Variants in TMEM41B observed in about 807,000 individuals in gnomAD.
TMEM41B encodes transmembrane protein 41B, also known as protein stasimon.
Under a neutral mutation model 31.9 loss-of-function variants are expected in TMEM41B, and 18 were observed. The ratio of observed to expected loss-of-function variants is 0.56; its 90% CI spans 0.39 to 0.84. The LOEUF (loss-of-function observed/expected upper bound fraction) is 0.84, where lower values mean the gene tolerates loss of function less well. Among genes scored for constraint, TMEM41B ranks in the 40% least tolerant of loss-of-function variants. The pLI is 0.00. For missense variants in TMEM41B, 322 were observed against 348.0 expected, an observed-to-expected ratio of 0.93 and a Z score of 0.59; for synonymous variants, 144 against 124.3, an observed-to-expected ratio of 1.16 and a Z score of -1.05.
chr11:9,296,348 GC>G (rs1853085232), intron 2 of TMEM41B, among the ~76,000 whole-genome samples: 1 of 151,796 alleles, frequency 6.6e-6, no homozygotes, highest in Admixed American at 6.6e-5. Flanking sequence ...CACTGGCCAG[GC>G]ACATGGTGGC....
At chr11:9,296,635 A>T (rs938540670) in intron 2 of TMEM41B, among the ~76,000 whole-genome samples, 2 of 151,720 alleles carry the variant, frequency 1.3e-5, no homozygotes, top group East Asian at 3.8e-4. Context: ...AAAGAAAGAA[A>T]AAAAGAACCA....
Position 9,283,524 on chromosome 11 carries a change from T to G in TMEM41B, c.776A>C (p.Glu259Ala). 1 of 1,613,290 alleles carries G rather than the reference T, an allele frequency of 6.2e-7. No homozygotes were observed. Among genetic ancestry groups the G allele is most frequent in the Non-Finnish European group, 8.5e-7 (1 of 1,179,556 alleles). Residue 259 changes from glutamate (E) to alanine (A), a missense_variant, in exon 7 of 7, where the codon GAA (glutamate) becomes GCA (alanine). By Grantham distance (107) the Glu-to-Ala change is moderately radical (BLOSUM62 -1). Coordinates refer to ENST00000528080, the MANE Select transcript of TMEM41B (RefSeq NM_015012.4). ...TTLYQLTTAGEAVSWNSIFIL... is the reference protein window; with the variant it reads ...TTLYQLTTAGAAVSWNSIFIL... ...AAATATTGAGTTCCAGGAAACAGCT[T>G]CTCCTGCTGTTGTAAGTTGATACAG...
intron 1 of TMEM41B, among the ~76,000 whole-genome samples, chr11:9,304,192 GA>G (rs1321608718): frequency 6.6e-6 from 1 of 152,124 alleles, no homozygotes; most frequent in Admixed American, 6.6e-5. Context: ...GGAACACAGA[GA>G]ATTAAAAACA....
chr11:9,313,409 C>G (rs75520774), intron 1 of TMEM41B, among the ~76,000 whole-genome samples: 1,775 of 152,314 alleles, frequency 0.012, 39 homozygotes, highest in African/African-American at 0.04. Context: ...GAGCTACAGA[C>G]AAACTTGTTA....
rs1164457849 is a variant in TMEM41B, at chr11:9,281,929, A to T, written c.*1495T>A. The T allele has an allele frequency of 6.6e-6, 1 of 152,246 alleles. No individual in the cohort carries two copies. Among genetic ancestry groups the T allele is most frequent in the African/African-American group, 2.4e-5 (1 of 41,472 alleles). The allele number at this position is 152,246 out of a possible 1,614,324, so 9.4% of individuals were successfully genotyped here. ...TTAATAAATGAGGTAAAATTTAGTC[A>T]TTGGAACAAATAAACTATATTTAAT... is the stretch of plus-strand genomic sequence containing the variant. On this transcript the variant is annotated 3_prime_UTR_variant, in exon 7 of 7. Transcript: ENST00000528080.
At chr11:9,309,153 G>A (rs1295873355) in intron 1 of TMEM41B, among the ~76,000 whole-genome samples, 4 of 152,030 alleles carry the variant, frequency 2.6e-5, no homozygotes, top group East Asian at 1.9e-4. Context: ...AGGCTGAGGC[G>A]GAGAATCGCT....
chr11:9,299,207 G>A (rs1257713456), intron 2 of TMEM41B, among the ~76,000 whole-genome samples: 1 of 141,542 alleles, frequency 7.1e-6, no homozygotes, highest in Non-Finnish European at 1.5e-5. Flanking sequence ...CTTGAACCTG[G>A]GAAGCAGGGC....
At chr11:9,311,539 T>G in intron 1 of TMEM41B, 1 of 1,273,662 alleles carries the variant, frequency 7.9e-7, no homozygotes, top group Non-Finnish European at 1.1e-6. Context: ...AAAGCTGAAT[T>G]GCCTTGCGGA....
rs1448733120 is a variant in TMEM41B at position 9,295,525 on chromosome 11, A to G, written c.240-138T>C. ...TCTAAATTAGCAATGTTTAAGTTTA[A>G]AAGTTTATAATTTTTCTTTTGTTTT... On this transcript the variant is annotated intron_variant, in intron 2 of 6. Coordinates refer to ENST00000528080, the MANE Select transcript of TMEM41B (RefSeq NM_015012.4). 5 of 594,636 alleles carry G rather than the reference A, an allele frequency of 8.4e-6. No homozygotes were observed. In the Admixed American group the frequency reaches 1.8e-4, roughly 21 times the overall value. The allele number at this position is 594,636 out of a possible 1,614,324, so 36.8% of individuals were successfully genotyped here.
intron 6 of TMEM41B, among the ~76,000 whole-genome samples, chr11:9,284,767 A>G (rs1262457441): frequency 6.9e-5 from 2 of 29,010 alleles, no homozygotes; most frequent in Admixed American, 1.2e-3. Context: ...TGTCTCAAAA[A>G]GAGAAAAAAA....
At chr11:9,293,323 G>C (rs1222920490) in intron 3 of TMEM41B, among the ~76,000 whole-genome samples, 2 of 152,048 alleles carry the variant, frequency 1.3e-5, no homozygotes, top group East Asian at 3.9e-4. Flanking sequence ...AGCCAGTCTC[G>C]AACCACTGGC....
At chr11:9,313,585 C>G (rs551453395) in intron 1 of TMEM41B, among the ~76,000 whole-genome samples, 3 of 152,202 alleles carry the variant, frequency 2.0e-5, no homozygotes, top group African/African-American at 7.2e-5. Flanking sequence ...AAAACAAAAA[C>G]CAAAAATAAA....
At chr11:9,311,665 G>A in intron 1 of TMEM41B, 1 of 830,404 alleles carries the variant, frequency 1.2e-6, no homozygotes, top group South Asian at 1.4e-5. Context: ...TTTGGCCCTG[G>A]CTGCCTGGCA....
intron 3 of TMEM41B, among the ~76,000 whole-genome samples, chr11:9,289,583 A>G (rs1322761625): frequency 2.0e-5 from 3 of 152,106 alleles, no homozygotes; most frequent in Non-Finnish European, 4.4e-5. Context: ...AGTTGTCTAT[A>G]ACTTAAAAAA....
intron 1 of TMEM41B, among the ~76,000 whole-genome samples, chr11:9,300,486 TA>T (rs1202955100): frequency 6.6e-6 from 1 of 152,204 alleles, no homozygotes; most frequent in African/African-American, 2.4e-5. Flanking sequence ...CATCGGAATA[TA>T]AACTTGAATC....
intron 1 of TMEM41B, among the ~76,000 whole-genome samples, chr11:9,304,869 G>C (rs1853345126): frequency 6.6e-6 from 1 of 152,114 alleles, no homozygotes; most frequent in African/African-American, 2.4e-5. Flanking sequence ...TGTTGGCCAG[G>C]ATGGTCTTGA....
intron 3 of TMEM41B, among the ~76,000 whole-genome samples, chr11:9,291,572 T>C (rs1234208294): frequency 1.3e-5 from 2 of 151,678 alleles, no homozygotes; most frequent in Admixed American, 1.3e-4. Context: ...CAGCTAATTT[T>C]TTTTATTTTT....
chr11:9,286,185 G>C (rs1032670361), intron 6 of TMEM41B, among the ~76,000 whole-genome samples: 5 of 17,560 alleles, frequency 2.8e-4, no homozygotes, highest in Non-Finnish European at 8.8e-4. Context: ...TCTCCACTTA[G>C]AGGGACTGGA....
chr11:9,308,530 T>C (rs572296506), intron 1 of TMEM41B, among the ~76,000 whole-genome samples: 5 of 152,302 alleles, frequency 3.3e-5, no homozygotes, highest in Admixed American at 2.6e-4. Context: ...ACTAGCACCT[T>C]TGACTGAAAT....
Sources: allele counts gnomAD v4.1 joint callset (sites outside exome capture counted in the v4.1 genomes callset), GRCh38; gene constraint gnomAD v4.1.1; transcripts MANE v1.5; gene names NCBI Gene and HGNC (gene_info 2026-07-23, HGNC 2026-07-21).